Variants in MAP4K5 observed in about 807,000 individuals in gnomAD.
MAP4K5 encodes MAPK/ERK kinase kinase kinase 5.
A neutral mutation model predicts 135.6 loss-of-function variants in MAP4K5; 82 were observed. The ratio of observed to expected loss-of-function variants is 0.60; its 90% CI spans 0.51 to 0.73. The LOEUF is 0.73. Ranked by LOEUF, MAP4K5 falls within the 30% of genes least tolerant of loss-of-function variation. The pLI, the probability that MAP4K5 is intolerant of heterozygous loss-of-function variation, is 0.00. For synonymous variants in MAP4K5, 347 were observed against 335.0 expected, an observed-to-expected ratio of 1.04 and a Z score of -0.39; for missense variants, 907 against 1,010.9, an observed-to-expected ratio of 0.90 and a Z score of 1.39.
At chr14:50,456,183 T>C (rs886472686) in intron 14 of MAP4K5, 1 of 302,706 alleles carries the variant, frequency 3.3e-6, no homozygotes, top group Non-Finnish European at 6.2e-6. Context: ...CATGTAAAAA[T>C]ACACATGGAA....
At chr14:50,439,943 A>T (rs55748673) in intron 23 of MAP4K5, 70 bp downstream of exon 23, 2 of 1,296,534 alleles carry the variant, frequency 1.5e-6, no homozygotes, top group Non-Finnish European at 2.1e-6. Flanking sequence ...AATAACATTT[A>T]AAAATGGTGT....
At chr14:50,468,506 G>C in intron 10 of MAP4K5, 145 bp downstream of exon 10, 1 of 744,322 alleles carries the variant, frequency 1.3e-6, no homozygotes, top group South Asian at 2.2e-5. Flanking sequence ...GCCCACAATA[G>C]GTTTTGGATG....
intron 20 of MAP4K5, 25 bp downstream of exon 20, chr14:50,443,704 T>G: frequency 1.3e-6 from 2 of 1,569,758 alleles, no homozygotes; most frequent in Non-Finnish European, 1.7e-6. Flanking sequence ...AAACGGCAAA[T>G]AGTTCACATA....
At chr14:50,474,968 C>T (rs140842190) in intron 9 of MAP4K5, 109 bp downstream of exon 9, 234 of 940,704 alleles carry the variant, frequency 2.5e-4, no homozygotes, top group Middle Eastern at 1.4e-3. Flanking sequence ...TCAAAGAGCA[C>T]GCAAATCTCC....
chr14:50,551,678 G>A (rs895163346), intron 1 of MAP4K5, among the ~76,000 whole-genome samples: 1 of 152,152 alleles, frequency 6.6e-6, no homozygotes, highest in Non-Finnish European at 1.5e-5. Flanking sequence ...TAATATACAT[G>A]ATGAAGTGGA....
intron 22 of MAP4K5, 35 bp from the exon 23 acceptor site, chr14:50,440,108 G>A (rs778436956): frequency 6.4e-5 from 79 of 1,225,044 alleles, no homozygotes; most frequent in Non-Finnish European, 8.3e-5. Context: ...TTCTCTCATT[G>A]TCATTATTTT....
At chr14:50,459,920 G>T (rs2036673667) in intron 13 of MAP4K5, among the ~76,000 whole-genome samples, 1 of 151,894 alleles carries the variant, frequency 6.6e-6, no homozygotes, top group Admixed American at 6.6e-5. Context: ...GGGTGGTCTT[G>T]AACTCCTGAA....
At chr14:50,459,361 T>C (rs2036660351) in intron 13 of MAP4K5, among the ~76,000 whole-genome samples, 1 of 152,174 alleles carries the variant, frequency 6.6e-6, no homozygotes, top group Non-Finnish European at 1.5e-5. Flanking sequence ...CATGTCTTCA[T>C]CCAATCATTA....
intron 1 of MAP4K5, among the ~76,000 whole-genome samples, chr14:50,557,361 T>C (rs887335084): frequency 6.6e-6 from 1 of 152,206 alleles, no homozygotes; most frequent in Non-Finnish European, 1.5e-5. Flanking sequence ...ATCTCATTGG[T>C]TTCTGGTTTA....
At position 50,445,161 on chromosome 14, in the gene MAP4K5, G is replaced by C. The variant is rs775264545; in HGVS notation, c.1219C>G (p.Pro407Ala). Residue 407 changes from proline (P) to alanine (A), a missense_variant, in exon 18 of 33, where the codon CCG (proline) becomes GCG (alanine). Pro to Ala is a conservative substitution (Grantham distance 27). Around this residue, in one of 3 missense-constraint regions of MAP4K5, gnomAD observed 690 missense variants for 777.4 expected, o/e 0.89. Transcript: ENST00000682126. The part of the protein sequence containing the change: ...RISSYPEDNF[P>A]DEEKASTIKH... Reference sequence around the variant, plus strand: ...ATGGTTGATGCTTTTTCTTCATCCGGAAAGTTGTCTTCAGGGTAACTGCTT... The same window carrying C: ...ATGGTTGATGCTTTTTCTTCATCCGCAAAGTTGTCTTCAGGGTAACTGCTT... 16 of 1,613,476 alleles carry C rather than the reference G, an allele frequency of 9.9e-6. No homozygotes were observed. The highest frequency in any genetic ancestry group is 1.1e-5 in the Non-Finnish European group (13 of 1,179,608).
intron 21 of MAP4K5, 108 bp downstream of exon 21, chr14:50,442,624 T>C: frequency 1.3e-6 from 1 of 765,250 alleles, no homozygotes; most frequent in Non-Finnish European, 2.2e-6. Flanking sequence ...TACCATTAGG[T>C]CTCTAAAGTC....
In MAP4K5 at chr14:50,515,519, T is replaced by C. The variant is rs376933465; in HGVS notation, c.109-10662A>G. 7.2e-5 allele frequency among the ~76,000 whole-genome samples: 11 copies of C among 152,270 alleles called. No individual in the cohort carries two copies. In the East Asian group the frequency reaches 7.7e-4, roughly 11 times the overall value. ...GGATTAAACTTCCTCTTCCCTCTAT[T>C]GTACTAGCCTGGCAAAATCCTAATC... On this transcript the variant is annotated intron_variant, in intron 2 of 32. Coordinates refer to ENST00000682126, the MANE Select transcript of MAP4K5 (RefSeq NM_006575.6).
intron 1 of MAP4K5, among the ~76,000 whole-genome samples, chr14:50,544,880 T>C (rs2038608975): frequency 7.5e-6 from 1 of 132,746 alleles, no homozygotes; most frequent in Non-Finnish European, 1.5e-5. Flanking sequence ...GATGCTGCAA[T>C]GAGCTATGAT....
At chr14:50,526,170 TA>T (rs1418082794) in intron 2 of MAP4K5, among the ~76,000 whole-genome samples, 9 of 152,334 alleles carry the variant, frequency 5.9e-5, no homozygotes, top group African/African-American at 2.2e-4. Flanking sequence ...CTTCCTCTGT[TA>T]ATCTTCCTTG....
At chr14:50,438,878 G>A (rs1299469482) in intron 23 of MAP4K5, among the ~76,000 whole-genome samples, 1 of 152,068 alleles carries the variant, frequency 6.6e-6, no homozygotes, top group Non-Finnish European at 1.5e-5. Flanking sequence ...TGCTATCTAA[G>A]ATGTACCCTG....
intron 2 of MAP4K5, among the ~76,000 whole-genome samples, chr14:50,520,883 C>A (rs1015798574): frequency 6.9e-6 from 1 of 145,242 alleles, no homozygotes; most frequent in Admixed American, 7.1e-5. Context: ...AGTGCAGTGG[C>A]GCGATCTTTG....
At chr14:50,545,353 G>T (rs1410020556) in intron 1 of MAP4K5, among the ~76,000 whole-genome samples, 1 of 152,062 alleles carries the variant, frequency 6.6e-6, no homozygotes, top group African/African-American at 2.4e-5. Context: ...ATAAAATCCT[G>T]GGCTTTTCTT....
chr14:50,520,866 A>T (rs1328250745), intron 2 of MAP4K5, among the ~76,000 whole-genome samples: 1 of 138,464 alleles, frequency 7.2e-6, no homozygotes, highest in Non-Finnish European at 1.5e-5. Flanking sequence ...CTTGTTGCCC[A>T]GGCTGGAGTG....
intron 2 of MAP4K5, among the ~76,000 whole-genome samples, chr14:50,518,419 G>A (rs2038078549): frequency 6.6e-6 from 1 of 152,138 alleles, no homozygotes; most frequent in Non-Finnish European, 1.5e-5. Flanking sequence ...ACAAGCCCTA[G>A]TGTGTATTAT....
Sources: gnomAD v4.1 joint callset for allele counts (sites outside exome capture counted in the v4.1 genomes callset) on GRCh38, gnomAD v4.1.1 for gene constraint, gnomAD v4.1.1 regional missense constraint, MANE v1.5 for transcripts, NCBI Gene and HGNC (gene_info 2026-07-23, HGNC 2026-07-21) for gene names.